AFAP1L2: variants seen among roughly 807,000 people sequenced by gnomAD.
AFAP1L2 encodes actin filament-associated protein 1-like 2.
AFAP1L2 carries 46 observed loss-of-function variants against 99.3 expected under a neutral mutation model. The ratio of observed to expected loss-of-function variants is 0.46; its 90% CI spans 0.37 to 0.59. The LOEUF (loss-of-function observed/expected upper bound fraction) is 0.59, where lower values mean the gene tolerates loss of function less well. AFAP1L2 is among the 20% of genes least tolerant of loss of function. AFAP1L2 has a pLI of 0.00. For missense variants in AFAP1L2, 959 were observed against 1,034.9 expected, an observed-to-expected ratio of 0.93 and a Z score of 1.01; for synonymous variants, 397 against 419.1, an observed-to-expected ratio of 0.95 and a Z score of 0.64.
At position 114,332,501 on chromosome 10, in the gene AFAP1L2, C is replaced by T. The variant is rs542937701; in HGVS notation, c.221-604G>A. On this transcript the variant is annotated intron_variant, in intron 3 of 18. Coordinates refer to ENST00000304129, the MANE Select transcript of AFAP1L2 (RefSeq NM_001001936.3). Reference sequence around the variant, plus strand: ...ATCGGGGATTTGGTGGCTGATGTCTCAAAGACAAGCCTTCAACAGGACTGA... The same window carrying T: ...ATCGGGGATTTGGTGGCTGATGTCTTAAAGACAAGCCTTCAACAGGACTGA... Among the ~76,000 whole-genome samples, 3 of 152,356 alleles carry T rather than the reference C, an allele frequency of 2.0e-5. No homozygotes were observed. The South Asian group carries it at 6.2e-4, about 32-fold the overall frequency.
chr10:114,335,021 G>A (rs1289840316), intron 2 of AFAP1L2, among the ~76,000 whole-genome samples: 3 of 152,304 alleles, frequency 2.0e-5, no homozygotes, highest in African/African-American at 2.4e-5. Flanking sequence ...AAAAATGACA[G>A]CTTAAAACAT....
At chr10:114,332,718 A>C (rs1590245055) in intron 3 of AFAP1L2, among the ~76,000 whole-genome samples, 3 of 152,340 alleles carry the variant, frequency 2.0e-5, no homozygotes, top group Admixed American at 2.0e-4. Context: ...AGCAGAACAG[A>C]GCAGAAGAGT....
intron 1 of AFAP1L2, among the ~76,000 whole-genome samples, chr10:114,390,591 C>T (rs781366594): frequency 6.6e-6 from 1 of 151,852 alleles, no homozygotes; most frequent in Non-Finnish European, 1.5e-5. Context: ...CATGGTGGCA[C>T]GCACCTGTAA....
the AFAP1L2 span, chr10:114,285,046 C>A: frequency 8.3e-7 from 1 of 1,209,222 alleles, no homozygotes; most frequent in African/African-American, 1.6e-5. Context: ...CATTGCACGC[C>A]CTTCCAGCTG....
intron 5 of AFAP1L2, among the ~76,000 whole-genome samples, chr10:114,317,142 C>CGATTTTACTAAGAAGCACGTTT (rs1427730367): frequency 1.8e-4 from 27 of 151,534 alleles, no homozygotes; most frequent in Non-Finnish European, 2.4e-4. Flanking sequence ...AAAATGTTGT[C>CGATTTTACTAAGAAGCACGTTT]GATTTTACTA....
At chr10:114,320,838 G>A (rs1564858246) in intron 5 of AFAP1L2, among the ~76,000 whole-genome samples, 3 of 152,234 alleles carry the variant, frequency 2.0e-5, no homozygotes, top group Non-Finnish European at 4.4e-5. Flanking sequence ...TCACTGCGGT[G>A]AGTCACTGTT....
Position 114,363,303 on chromosome 10 carries a change from C to A in AFAP1L2, c.17-22572G>T, listed in dbSNP as rs763942991. Reference sequence around the variant, plus strand: ...TGTAGCCTGCAGAATTCACGACACACGCTCTGAGGCAGCGTTTCACTGGCC... The same window carrying A: ...TGTAGCCTGCAGAATTCACGACACAAGCTCTGAGGCAGCGTTTCACTGGCC... On this transcript the variant is annotated intron_variant, in intron 1 of 18. Coordinates refer to ENST00000304129, the MANE Select transcript of AFAP1L2 (RefSeq NM_001001936.3). The A allele has an allele frequency of 2.2e-5, 9 of 417,568 alleles. No individual in the cohort carries two copies. In the South Asian group the frequency reaches 4.0e-4, roughly 18 times the overall value. 25.9% of individuals were successfully genotyped at this position (417,568 alleles called of 1,614,324 possible). A position where few individuals can be genotyped will look rare whatever the true frequency, so the allele number is the denominator to read the frequency against.
intron 1 of AFAP1L2, among the ~76,000 whole-genome samples, chr10:114,354,237 G>A (rs11597084): frequency 3.3e-5 from 5 of 152,124 alleles, no homozygotes; most frequent in African/African-American, 1.2e-4. Context: ...AAGAGCAAAA[G>A]CCGCCACACA....
At chr10:114,325,750 C>CTTT in intron 4 of AFAP1L2, 1 of 892,328 alleles carries the variant, frequency 1.1e-6, no homozygotes, top group Middle Eastern at 4.9e-4. Flanking sequence ...GGTACAAGAT[C>CTTT]TTTGCTCTCT....
intron 1 of AFAP1L2, among the ~76,000 whole-genome samples, chr10:114,342,931 C>G (rs2049019925): frequency 6.6e-6 from 1 of 152,220 alleles, no homozygotes; most frequent in Non-Finnish European, 1.5e-5. Flanking sequence ...GCTCACATTT[C>G]CAGGGCCCAG....
At chr10:114,361,846 C>T (rs1420189628) in intron 1 of AFAP1L2, among the ~76,000 whole-genome samples, 1 of 152,164 alleles carries the variant, frequency 6.6e-6, no homozygotes, top group African/African-American at 2.4e-5. Flanking sequence ...GGTTATCCTG[C>T]TATAACCTAG....
At chr10:114,338,281 A>G (rs1297816614) in intron 2 of AFAP1L2, among the ~76,000 whole-genome samples, 5 of 152,146 alleles carry the variant, frequency 3.3e-5, no homozygotes. Context: ...CCCTGGCAGG[A>G]CTTGGCCTGT....
intron 10 of AFAP1L2, among the ~76,000 whole-genome samples, chr10:114,305,495 CTGCAGGAGGAGA>C (rs2042093875): frequency 1.3e-5 from 1 of 74,274 alleles, no homozygotes; most frequent in African/African-American, 5.9e-5. Flanking sequence ...GGGGACGGGG[CTGCAGGAGGAGA>C]TGCAGGAGGG....
chr10:114,337,890 C>T (rs369870769), intron 2 of AFAP1L2, among the ~76,000 whole-genome samples: 1 of 152,178 alleles, frequency 6.6e-6, no homozygotes, highest in South Asian at 2.1e-4. Context: ...GTGAATCATC[C>T]CCCTCCAACC....
intron 2 of AFAP1L2, among the ~76,000 whole-genome samples, chr10:114,339,402 G>C (rs976969966): frequency 1.3e-5 from 2 of 152,106 alleles, no homozygotes; most frequent in Non-Finnish European, 2.9e-5. Context: ...AGCGGAGATC[G>C]CGCCACAACA....
intron 4 of AFAP1L2, among the ~76,000 whole-genome samples, chr10:114,331,325 C>G (rs1337161227): frequency 6.6e-6 from 1 of 152,102 alleles, no homozygotes; most frequent in East Asian, 1.9e-4. Context: ...TGCTATGTTG[C>G]TCAGGTTGGC....
At chr10:114,401,498 C>T (rs1203998937) in intron 1 of AFAP1L2, among the ~76,000 whole-genome samples, 1 of 152,234 alleles carries the variant, frequency 6.6e-6, no homozygotes, top group Admixed American at 6.5e-5. Context: ...CACATCCTGA[C>T]ATTTGCGAGA....
intron 1 of AFAP1L2, among the ~76,000 whole-genome samples, chr10:114,344,375 G>A (rs1248293464): frequency 1.3e-5 from 2 of 152,140 alleles, no homozygotes; most frequent in African/African-American, 2.4e-5. Flanking sequence ...AAGGCAATCG[G>A]GGTCTCAAGC....
chr10:114,304,641 C>T, intron 11 of AFAP1L2, 78 bp downstream of exon 11: 1 of 1,313,622 alleles, frequency 7.6e-7, no homozygotes, highest in South Asian at 1.4e-5. Context: ...AGTAGCATTA[C>T]AGTCCTGGAG....
Sources: gnomAD v4.1 joint callset for allele counts (sites outside exome capture counted in the v4.1 genomes callset) on GRCh38, gnomAD v4.1.1 for gene constraint, MANE v1.5 for transcripts, NCBI Gene and HGNC (gene_info 2026-07-23, HGNC 2026-07-21) for gene names.